Variants in SHROOM2 observed in about 807,000 individuals in gnomAD.
The protein encoded by SHROOM2 is shroom family member 2.
SHROOM2 carries 33 observed loss-of-function variants against 75.9 expected under a neutral mutation model. The ratio of observed to expected loss-of-function variants is 0.43; its 90% CI spans 0.33 to 0.58. SHROOM2 has a LOEUF of 0.58. SHROOM2 is among the 20% of genes least tolerant of loss of function. The pLI is 0.04. For synonymous variants in SHROOM2, 655 were observed against 663.6 expected (o/e 0.99, Z 0.20); for missense variants, 1,434 against 1,461.2 (o/e 0.98, Z 0.30).
At chrX:9,864,629 T>TA (rs201106048) in intron 1 of SHROOM2, among the ~76,000 whole-genome samples, 3,042 of 99,277 alleles carry the variant, frequency 0.031, 114 homozygotes, top group East Asian at 0.088. Context: ...CCATCCCGGC[T>TA]AAAAAAAAAA....
At chrX:9,863,395 G>A (rs1018763945) in intron 1 of SHROOM2, among the ~76,000 whole-genome samples, 2 of 110,388 alleles carry the variant, frequency 1.8e-5, no homozygotes, top group African/African-American at 3.3e-5. Flanking sequence ...CATTAGCATG[G>A]CTTTGTCACC....
At chrX:9,823,756 CTTTTTTCTTT>C (rs1278594003) in intron 1 of SHROOM2, among the ~76,000 whole-genome samples, 5 of 85,894 alleles carry the variant, frequency 5.8e-5, no homozygotes, top group African/African-American at 1.7e-4. Flanking sequence ...TTTCTTTTTT[CTTTTTTCTTT>C]TTTTTTTTTT....
At position 9,842,884 on chromosome X, in the gene SHROOM2, C is replaced by A. The variant is rs774176144; in HGVS notation, c.166-30768C>A. 1.9e-4 allele frequency among the ~76,000 whole-genome samples: 21 copies of A among 111,308 alleles called. No homozygotes were observed. In the South Asian group the frequency reaches 7.9e-3, roughly 42 times the overall value. The stretch of plus-strand genomic sequence containing the variant: ...GTCTGTCTTAGGGAGAGAAGGAGGG[C>A]AGGGAGGGAGAGAGCTGGAATTTGA... On this transcript the variant is annotated intron_variant, in intron 1 of 9. Coordinates refer to ENST00000380913, the MANE Select transcript of SHROOM2 (RefSeq NM_001649.4).
chrX:9,880,116 G>A (rs758339827), intron 2 of SHROOM2, among the ~76,000 whole-genome samples: 4 of 112,095 alleles, frequency 3.6e-5, no homozygotes, highest in African/African-American at 1.3e-4. Context: ...AGGGCGCAGG[G>A]ATCTGGGGAC....
At chrX:9,786,747 G>T in intron 1 of SHROOM2, 37 bp downstream of exon 1, 1 of 862,507 alleles carries the variant, frequency 1.2e-6, no homozygotes, top group Non-Finnish European at 1.4e-6. Flanking sequence ...TGACAGCCGG[G>T]AGCTGGCCGC....
intron 6 of SHROOM2, among the ~76,000 whole-genome samples, chrX:9,934,232 C>T (rs1169812899): frequency 7.1e-5 from 8 of 111,960 alleles, no homozygotes; most frequent in Non-Finnish European, 1.5e-4. Flanking sequence ...GGGTGGCTGC[C>T]GTCCTGGACA....
chrX:9,884,779 G>C lies in SHROOM2; in HGVS notation c.318-6198G>C, dbSNP rs751110087. On this transcript the variant is annotated intron_variant, in intron 2 of 9. Transcript: ENST00000380913. ...AGTTTGGTATACAATCCATGGGGAA[G>C]GGATTTCAGGGGAACCCACCATTAG... Among the ~76,000 whole-genome samples, 6 of 111,494 alleles carry C rather than the reference G, an allele frequency of 5.4e-5. No individual in the cohort carries two copies. The South Asian group carries it at 2.3e-3, about 42-fold the overall frequency.
At position 9,892,254 on chromosome X, in the gene SHROOM2, TAA is replaced by T. The variant is rs747599801; in HGVS notation, c.449+1161_449+1162del. Among the ~76,000 whole-genome samples, 395 of 78,870 alleles carry T rather than the reference TAA, an allele frequency of 5.0e-3. 1 individual carries two copies. The highest frequency in any genetic ancestry group is 0.017 in the African/African-American group (365 of 20,973). The allele number at this position is 78,870 out of a possible 115,157, so 68.5% of individuals were successfully genotyped here. On this transcript the variant is annotated intron_variant, in intron 3 of 9. Transcript: ENST00000380913. ...GGCAACAGAGCAAGACCTCGTCTCT[TAA>T]AAAAAAAAAAAAAAGAAAAGAAAAA...
At chrX:9,922,590 G>A (rs780672737) in intron 5 of SHROOM2, among the ~76,000 whole-genome samples, 1 of 110,611 alleles carries the variant, frequency 9.0e-6, no homozygotes, top group African/African-American at 3.3e-5. Context: ...GCTGTGTCTC[G>A]GTAGTTTTTC....
At chrX:9,863,675 G>A (rs1463005931) in intron 1 of SHROOM2, among the ~76,000 whole-genome samples, 3 of 109,519 alleles carry the variant, frequency 2.7e-5, no homozygotes, top group African/African-American at 1.0e-4. Flanking sequence ...CAGGAGTGCA[G>A]TAGCTCTTCA....
rs2083891893 is a variant in SHROOM2, at chrX:9,827,217, C to CTT, written c.165+40511_165+40512dup. ...CTTACATGTTAGCCTTGACATTTTT[C>CTT]TTTTTCTTTTTTTTTTTTTTTTTGA... is the stretch of plus-strand genomic sequence containing the variant. On this transcript the variant is annotated intron_variant, in intron 1 of 9. Transcript: ENST00000380913. 9.4e-5 allele frequency among the ~76,000 whole-genome samples: 3 copies of CTT among 31,828 alleles called. No individual in the cohort carries two copies. In the Admixed American group the frequency reaches 1.6e-3, roughly 17 times the overall value. 27.6% of individuals were successfully genotyped at this position (31,828 alleles called of 115,157 possible).
At chrX:9,883,822 G>C (rs927838433) in intron 2 of SHROOM2, among the ~76,000 whole-genome samples, 2 of 111,109 alleles carry the variant, frequency 1.8e-5, no homozygotes, top group Non-Finnish European at 3.8e-5. Context: ...GGTGGTTTTT[G>C]TTTAAAGGAT....
chrX:9,939,859 T>C (rs1391487146), intron 8 of SHROOM2, among the ~76,000 whole-genome samples: 4 of 112,132 alleles, frequency 3.6e-5, no homozygotes, highest in African/African-American at 1.3e-4. Flanking sequence ...CACTCTCAGC[T>C]CACTGCAACC....
chrX:9,907,037 G>A (rs781563761), intron 5 of SHROOM2, among the ~76,000 whole-genome samples: 2 of 110,807 alleles, frequency 1.8e-5, no homozygotes, highest in Non-Finnish European at 3.8e-5. Flanking sequence ...TCCCCCTGGC[G>A]TTGGGGCAGG....
At chrX:9,840,061 C>T (rs1227314886) in intron 1 of SHROOM2, among the ~76,000 whole-genome samples, 4 of 111,553 alleles carry the variant, frequency 3.6e-5, no homozygotes, top group African/African-American at 9.8e-5. Flanking sequence ...GGAAAGAGGA[C>T]ACAAGACTGG....
chrX:9,930,500 C>A (rs2084637526), intron 5 of SHROOM2, among the ~76,000 whole-genome samples: 1 of 94,591 alleles, frequency 1.1e-5, no homozygotes, highest in Admixed American at 1.1e-4. Flanking sequence ...GAGTAAGACC[C>A]TGTCTCAAAA....
At chrX:9,915,000 C>G (rs1382425776) in intron 5 of SHROOM2, among the ~76,000 whole-genome samples, 1 of 112,120 alleles carries the variant, frequency 8.9e-6, no homozygotes, top group African/African-American at 3.2e-5. Context: ...AGTACAGAAA[C>G]CCGTTAATCA....
chrX:9,863,266 C>T (rs750655721), intron 1 of SHROOM2, among the ~76,000 whole-genome samples: 3 of 111,097 alleles, frequency 2.7e-5, no homozygotes, highest in East Asian at 2.8e-4. Context: ...CAGTCTCCAC[C>T]ACCTCCAGAT....
intron 3 of SHROOM2, among the ~76,000 whole-genome samples, chrX:9,893,042 A>G (rs764079523): frequency 1.7e-4 from 19 of 112,277 alleles, no homozygotes; most frequent in African/African-American, 2.6e-4. Context: ...GTGAGTGTCA[A>G]TAACTCTGTA....
Sources: gnomAD v4.1 joint callset for allele counts (sites outside exome capture counted in the v4.1 genomes callset) on GRCh38, gnomAD v4.1.1 for gene constraint, MANE v1.5 for transcripts, NCBI Gene and HGNC (gene_info 2026-07-23, HGNC 2026-07-21) for gene names.